Variants in FKBP9 observed in about 807,000 individuals in gnomAD.
FKBP9 encodes FKBP prolyl isomerase 9.
FKBP9 carries 27 observed loss-of-function variants against 55.6 expected under a neutral mutation model. The ratio of observed to expected loss-of-function variants is 0.49; its 90% CI spans 0.36 to 0.67. The LOEUF is 0.67. Ranked by LOEUF, FKBP9 falls within the 30% of genes least tolerant of loss-of-function variation. The pLI is 0.00. For synonymous variants in FKBP9, 267 were observed against 296.5 expected (o/e 0.90, Z 1.02); for missense variants, 539 against 742.8 (o/e 0.73, Z 3.19).
chr7:32,980,610 C>T, intron 5 of FKBP9, 57 bp downstream of exon 5: 2 of 1,579,960 alleles, frequency 1.3e-6, no homozygotes, highest in South Asian at 1.2e-5. Flanking sequence ...TAAAGTCTGC[C>T]ATTGGCTGGA....
intron 1 of FKBP9, among the ~76,000 whole-genome samples, chr7:32,967,823 C>T (rs2127977890): frequency 6.6e-6 from 1 of 151,808 alleles, no homozygotes; most frequent in East Asian, 2.0e-4. Context: ...AGTGCGATCT[C>T]AGCTCATCGC....
chr7:33,000,551 G>T (rs1307684888), intron 8 of FKBP9, among the ~76,000 whole-genome samples: 2 of 151,518 alleles, frequency 1.3e-5, no homozygotes, highest in African/African-American at 4.9e-5. Flanking sequence ...AGCTGTCCGG[G>T]AGGTTTCTCT....
chr7:32,963,740 G>A lies in FKBP9; in HGVS notation c.221+5946G>A, dbSNP rs575507146. On this transcript the variant is annotated intron_variant, in intron 1 of 9. Coordinates refer to ENST00000242209, the MANE Select transcript of FKBP9 (RefSeq NM_007270.5). ...CTCTCTCCAAGGGGTTGCAAACGGGGCTTCATTCTCTCCCACTAGAAAAAG... is the reference window on the plus strand; with the variant it reads ...CTCTCTCCAAGGGGTTGCAAACGGGACTTCATTCTCTCCCACTAGAAAAAG... 94 of 1,290,916 alleles carry A rather than the reference G, an allele frequency of 7.3e-5. 2 individuals carry two copies. The East Asian group carries it at 1.2e-3, about 16-fold the overall frequency. 80.0% of individuals were successfully genotyped at this position (1,290,916 alleles called of 1,614,324 possible).
At position 33,002,657 on chromosome 7, in the gene FKBP9, G is replaced by A. The variant is rs773841310; in HGVS notation, c.1373-19G>A. The A allele has an allele frequency of 1.5e-5, 24 of 1,610,794 alleles. No individual in the cohort carries two copies. The highest frequency in any genetic ancestry group is 5.3e-5 in the African/African-American group (4 of 74,880). ...TGCCTGCCGGCTGACACCGCCTCCC[G>A]CTCCTGTCACCTGGACAGATGGAGA... On this transcript the variant is annotated intron_variant, in intron 8 of 9. Coordinates refer to ENST00000242209, the MANE Select transcript of FKBP9 (RefSeq NM_007270.5).
In FKBP9 at chr7:32,957,464, G is replaced by C. The variant is rs1237541249; in HGVS notation, c.-110G>C. The C allele has an allele frequency of 5.5e-5, 44 of 798,924 alleles. No individual in the cohort carries two copies. In the Middle Eastern group the frequency reaches 1.7e-3, roughly 30 times the overall value. The allele number at this position is 798,924 out of a possible 1,614,324, so 49.5% of individuals were successfully genotyped here. The stretch of plus-strand genomic sequence containing the variant: ...GGAGACGGGGTGGCGGCTGCAGCCC[G>C]GGTAGGGCCAGGAGACCCGGTCCAC... On this transcript the variant is annotated 5_prime_UTR_variant, in exon 1 of 10. Coordinates refer to ENST00000242209, the MANE Select transcript of FKBP9 (RefSeq NM_007270.5).
intron 5 of FKBP9, among the ~76,000 whole-genome samples, chr7:32,985,244 C>T (rs1371595482): frequency 1.3e-5 from 2 of 150,480 alleles, no homozygotes; most frequent in African/African-American, 4.9e-5. Context: ...GGTACGATCT[C>T]GGCTCACTGC....
intron 1 of FKBP9, among the ~76,000 whole-genome samples, chr7:32,971,622 A>C (rs1411014492): frequency 6.6e-6 from 1 of 152,148 alleles, no homozygotes. Flanking sequence ...CTGGGACCAC[A>C]TGCACATACC....
intron 8 of FKBP9, chr7:33,002,164 C>G (rs1247409819): frequency 2.6e-5 from 4 of 152,516 alleles, no homozygotes; most frequent in African/African-American, 7.3e-5. Flanking sequence ...GATGGAGTCT[C>G]ACTCGGTCAC....
At chr7:32,983,656 T>A (rs1376473154) in intron 5 of FKBP9, among the ~76,000 whole-genome samples, 1 of 152,188 alleles carries the variant, frequency 6.6e-6, no homozygotes, top group Middle Eastern at 3.2e-3. Context: ...ACTACCAAGT[T>A]GCCCTCAAGG....
intron 5 of FKBP9, among the ~76,000 whole-genome samples, chr7:32,988,081 G>A (rs1274855587): frequency 1.3e-5 from 2 of 152,156 alleles, no homozygotes; most frequent in African/African-American, 4.8e-5. Context: ...TTGGGAGGCT[G>A]AGGTGGGAGG....
intron 7 of FKBP9, among the ~76,000 whole-genome samples, chr7:32,999,474 T>TC (rs1201960019): frequency 6.9e-6 from 1 of 144,850 alleles, no homozygotes; most frequent in Non-Finnish European, 1.5e-5. Flanking sequence ...CTCTTGGTGG[T>TC]CTTTTTTTTT....
intron 1 of FKBP9, among the ~76,000 whole-genome samples, chr7:32,967,793 T>G (rs529286608): frequency 6.6e-6 from 1 of 152,278 alleles, no homozygotes; most frequent in Admixed American, 6.5e-5. Flanking sequence ...TCGCTCTTAT[T>G]GCCTGGGCTG....
intron 1 of FKBP9, among the ~76,000 whole-genome samples, chr7:32,970,219 CAG>C (rs1290724407): frequency 6.6e-6 from 1 of 151,800 alleles, no homozygotes; most frequent in East Asian, 1.9e-4. Context: ...TTTTTAGAGA[CAG>C]AGTCTCGCTC....
At chr7:32,966,376 C>T (rs1177859030) in intron 1 of FKBP9, among the ~76,000 whole-genome samples, 1 of 152,046 alleles carries the variant, frequency 6.6e-6, no homozygotes, top group East Asian at 1.9e-4. Flanking sequence ...ACTTTCCCAT[C>T]ACCCCCCTGG....
chr7:32,995,287 T>C (rs922630472), intron 6 of FKBP9, among the ~76,000 whole-genome samples: 18 of 152,284 alleles, frequency 1.2e-4, no homozygotes, highest in African/African-American at 4.1e-4. Flanking sequence ...ATATGTAAAA[T>C]GCTGATGATA....
At chr7:32,990,112 G>A (rs1231282046) in intron 6 of FKBP9, among the ~76,000 whole-genome samples, 1 of 152,104 alleles carries the variant, frequency 6.6e-6, no homozygotes, top group African/African-American at 2.4e-5. Context: ...GATGACAGGT[G>A]TGAGCCACCA....
At chr7:33,004,835 G>C (rs1158596733) in intron 9 of FKBP9, among the ~76,000 whole-genome samples, 1 of 151,898 alleles carries the variant, frequency 6.6e-6, no homozygotes, top group Admixed American at 6.6e-5. Flanking sequence ...ATGAATGCCT[G>C]CATCCAAGAA....
chr7:32,993,745 G>A (rs879548091), intron 6 of FKBP9, among the ~76,000 whole-genome samples: 3 of 152,062 alleles, frequency 2.0e-5, no homozygotes, highest in South Asian at 2.1e-4. Flanking sequence ...CCCGGGGGAC[G>A]GAGGTTGCGG....
At chr7:33,003,121 G>C (rs1056787585) in intron 9 of FKBP9, among the ~76,000 whole-genome samples, 4 of 152,228 alleles carry the variant, frequency 2.6e-5, no homozygotes, top group African/African-American at 9.7e-5. Flanking sequence ...CTCAATGCCT[G>C]CCTGTATGTG....
Sources: allele counts gnomAD v4.1 joint callset (sites outside exome capture counted in the v4.1 genomes callset), GRCh38; gene constraint gnomAD v4.1.1; transcripts MANE v1.5; gene names NCBI Gene and HGNC (gene_info 2026-07-23, HGNC 2026-07-21).